Variants in PPM1L observed in about 807,000 individuals in gnomAD.
PPM1L encodes the protein protein phosphatase 1L.
Under a neutral mutation model 31.4 loss-of-function variants are expected in PPM1L, and 13 were observed. The observed-to-expected ratio is 0.41, with a 90% CI of 0.27 to 0.66. The LOEUF is 0.66. PPM1L is among the 30% of genes least tolerant of loss of function. PPM1L has a pLI of 0.29. For synonymous variants in PPM1L, 184 were observed against 175.4 expected (o/e 1.05, Z -0.39); for missense variants, 326 against 453.7 (o/e 0.72, Z 2.56).
At chr3:160,994,432 G>A (rs1717238189) in intron 2 of PPM1L, among the ~76,000 whole-genome samples, 1 of 152,108 alleles carries the variant, frequency 6.6e-6, no homozygotes, top group Admixed American at 6.5e-5. Flanking sequence ...ATCTTCACCT[G>A]GCAATCTACA....
chr3:161,038,474 G>A (rs141588171), intron 2 of PPM1L, among the ~76,000 whole-genome samples: 1 of 150,826 alleles, frequency 6.6e-6, no homozygotes, highest in African/African-American at 2.4e-5. Flanking sequence ...ATCATGCCTG[G>A]CTAATTTTTA....
intron 2 of PPM1L, among the ~76,000 whole-genome samples, chr3:161,064,486 G>A (rs1237861335): frequency 1.3e-5 from 2 of 152,102 alleles, no homozygotes; most frequent in Admixed American, 1.3e-4. Flanking sequence ...AAACGTTAAT[G>A]AAGACTAATT....
chr3:160,928,694 G>C (rs1559890969), intron 1 of PPM1L, among the ~76,000 whole-genome samples: 1 of 152,024 alleles, frequency 6.6e-6, no homozygotes, highest in Admixed American at 6.5e-5. Flanking sequence ...CTCAAGAATG[G>C]GACTAGTGAC....
chr3:161,002,557 G>A (rs202216217), intron 2 of PPM1L, among the ~76,000 whole-genome samples: 3 of 150,624 alleles, frequency 2.0e-5, no homozygotes, highest in South Asian at 4.3e-4. Flanking sequence ...GTATCTCACT[G>A]TGGTTTTGAT....
At chr3:161,018,957 A>G (rs1318868353) in intron 2 of PPM1L, among the ~76,000 whole-genome samples, 1 of 152,208 alleles carries the variant, frequency 6.6e-6, no homozygotes, top group Non-Finnish European at 1.5e-5. Context: ...AACTGGCTTT[A>G]ACTTTGAGAA....
intron 1 of PPM1L, among the ~76,000 whole-genome samples, chr3:160,861,888 C>T (rs188233327): frequency 6.6e-6 from 1 of 152,284 alleles, no homozygotes; most frequent in Admixed American, 6.5e-5. Context: ...TCAACTTTTG[C>T]TTCCATTGCT....
chr3:161,032,129 AG>A (rs1489453623), intron 2 of PPM1L, among the ~76,000 whole-genome samples: 2 of 152,206 alleles, frequency 1.3e-5, no homozygotes, highest in Non-Finnish European at 2.9e-5. Context: ...AGATAACCAA[AG>A]GGCTAAAGAG....
chr3:161,050,008 G>A (rs1719219644), intron 2 of PPM1L, among the ~76,000 whole-genome samples: 1 of 152,122 alleles, frequency 6.6e-6, no homozygotes, highest in South Asian at 2.1e-4. Flanking sequence ...GCCATCCCTT[G>A]TCCCTTCCTG....
At chr3:160,957,772 T>G (rs553327811) in intron 1 of PPM1L, among the ~76,000 whole-genome samples, 1 of 152,162 alleles carries the variant, frequency 6.6e-6, no homozygotes, top group South Asian at 2.1e-4. Flanking sequence ...GAGACGGGGT[T>G]TCACCATGTT....
At chr3:160,965,737 A>C (rs1716121460) in intron 2 of PPM1L, among the ~76,000 whole-genome samples, 1 of 151,948 alleles carries the variant, frequency 6.6e-6, no homozygotes, top group South Asian at 2.1e-4. Context: ...CTTAGTTTTG[A>C]CTTCCTCACA....
chr3:160,970,285 C>G lies in PPM1L; in HGVS notation c.574+8375C>G, dbSNP rs1271795939. Among the ~76,000 whole-genome samples, 31 of 152,018 alleles carry G rather than the reference C, an allele frequency of 2.0e-4. 1 individual carries two copies. The highest frequency in any genetic ancestry group is 2.0e-3 in the Admixed American group (31 of 15,256). On this transcript the variant is annotated intron_variant, in intron 2 of 3. Coordinates refer to ENST00000498165, the MANE Select transcript of PPM1L (RefSeq NM_139245.4). ...ACAAAAACATAAGGCTTTTGTAATGCAGACGATTACTAGCCATGTATAATA... is the reference window on the plus strand; with the variant it reads ...ACAAAAACATAAGGCTTTTGTAATGGAGACGATTACTAGCCATGTATAATA...
chr3:160,857,117 C>G (rs954731600), intron 1 of PPM1L, among the ~76,000 whole-genome samples: 1 of 152,134 alleles, frequency 6.6e-6, no homozygotes, highest in African/African-American at 2.4e-5. Flanking sequence ...CTTGATGTTA[C>G]ACTTCTTTTT....
intron 1 of PPM1L, among the ~76,000 whole-genome samples, chr3:160,850,041 A>G (rs1415927046): frequency 6.6e-6 from 1 of 152,156 alleles, no homozygotes; most frequent in East Asian, 1.9e-4. Flanking sequence ...GCTCAGTCCC[A>G]CAAGACTGCC....
chr3:160,951,631 G>A (rs1715579566), intron 1 of PPM1L, among the ~76,000 whole-genome samples: 2 of 152,176 alleles, frequency 1.3e-5, no homozygotes, highest in Admixed American at 1.3e-4. Context: ...TCACACTCTG[G>A]CATGCTTGGT....
chr3:161,016,304 G>A (rs529963248), intron 2 of PPM1L, among the ~76,000 whole-genome samples: 1 of 152,278 alleles, frequency 6.6e-6, no homozygotes, highest in South Asian at 2.1e-4. Flanking sequence ...CTGTCATATT[G>A]CATGGTCCTA....
intron 2 of PPM1L, among the ~76,000 whole-genome samples, chr3:160,964,304 C>A (rs62280331): frequency 0.37 from 55,704 of 151,726 alleles, 12,903 homozygotes; most frequent in Non-Finnish European, 0.52. Context: ...CATAAACAGT[C>A]AATCAACACA....
At chr3:160,955,153 G>C (rs1433470327) in intron 1 of PPM1L, among the ~76,000 whole-genome samples, 2 of 151,858 alleles carry the variant, frequency 1.3e-5, no homozygotes, top group Non-Finnish European at 2.9e-5. Flanking sequence ...TGGGACTACA[G>C]GCATGCACCA....
Position 160,756,699 on chromosome 3 carries a change from G to A in PPM1L, c.391G>A (p.Gly131Arg). The A allele has an allele frequency of 1.2e-6, 2 of 1,613,582 alleles. No homozygotes were observed. Among genetic ancestry groups the A allele is most frequent in the Non-Finnish European group, 1.7e-6 (2 of 1,179,834 alleles). ...CATCTTCGGGATCTTCGACGGGCACGGGGGAGAGGTAGGAGCTACCCCGGG... is the reference window on the plus strand; with the variant it reads ...CATCTTCGGGATCTTCGACGGGCACAGGGGAGAGGTAGGAGCTACCCCGGG... ...PSIFGIFDGH[G>R]GETAAEYVKS... The change falls in exon 1 of 4, where the codon GGG (glycine) becomes AGG (arginine). Residue 131 changes from glycine (G) to arginine (R), a missense_variant. This residue lies in a region of PPM1L where 201 missense variants were observed against 298.2 expected (regional missense o/e 0.67). Transcript: ENST00000498165. The surrounding 1 kb of genome is among the most constrained non-coding windows in gnomAD (Gnocchi z 6.2).
At chr3:161,025,052 A>G (rs1218082165) in intron 2 of PPM1L, among the ~76,000 whole-genome samples, 4 of 152,212 alleles carry the variant, frequency 2.6e-5, no homozygotes, top group Non-Finnish European at 5.9e-5. Context: ...TGTTTTTAAC[A>G]ATTTTTTCCA....
Sources: allele counts gnomAD v4.1 joint callset (sites outside exome capture counted in the v4.1 genomes callset), GRCh38; gene constraint gnomAD v4.1.1; regional missense constraint gnomAD v4.1.1; non-coding constraint Gnocchi (gnomAD v3.1); transcripts MANE v1.5; gene names NCBI Gene and HGNC (gene_info 2026-07-23, HGNC 2026-07-21).